Variants in KCNT1 observed in about 807,000 individuals in gnomAD.
KCNT1 encodes potassium sodium-activated channel subfamily T member 1.
KCNT1 carries 78 observed loss-of-function variants against 147.8 expected under a neutral mutation model. That is an observed-to-expected ratio of 0.53 (90% CI 0.44 to 0.64). The LOEUF is 0.64. Among genes scored for constraint, KCNT1 ranks in the 30% least tolerant of loss-of-function variants. The pLI, the probability that KCNT1 is intolerant of heterozygous loss-of-function variation, is 0.00. For synonymous variants in KCNT1, 867 were observed against 748.8 expected (o/e 1.16, Z -2.58); for missense variants, 1,419 against 1,750.3 (o/e 0.81, Z 3.38).
chr9:135,761,084 C>T (rs1831884951), intron 11 of KCNT1, among the ~76,000 whole-genome samples: 1 of 151,926 alleles, frequency 6.6e-6, no homozygotes, highest in Non-Finnish European at 1.5e-5. Context: ...CCCAGGCTGG[C>T]CTCGAACTCC....
At chr9:135,787,764 TC>T (rs2131587954) in intron 29 of KCNT1, among the ~76,000 whole-genome samples, 1 of 152,304 alleles carries the variant, frequency 6.6e-6, no homozygotes, top group East Asian at 1.9e-4. Flanking sequence ...AGTGTCCCTG[TC>T]CCGGGAGGGA....
At chr9:135,736,728 G>A in intron 2 of KCNT1, 1 of 372,604 alleles carries the variant, frequency 2.7e-6, no homozygotes, top group Non-Finnish European at 4.8e-6. Context: ...AGCCTCACGG[G>A]CTCAGCCCGC....
At chr9:135,727,067 T>C (rs1363164898) in intron 2 of KCNT1, among the ~76,000 whole-genome samples, 18 of 14,996 alleles carry the variant, frequency 1.2e-3, no homozygotes, top group East Asian at 2.1e-3. Context: ...CTCCCTCTGT[T>C]TCCCATTCTC....
At chr9:135,708,355 G>A (rs1191458807) in intron 1 of KCNT1, among the ~76,000 whole-genome samples, 3 of 152,212 alleles carry the variant, frequency 2.0e-5, no homozygotes, top group Non-Finnish European at 2.9e-5. Flanking sequence ...GCCTCTGCAT[G>A]CAAATACATG....
intron 24 of KCNT1, among the ~76,000 whole-genome samples, chr9:135,782,448 T>G (rs887289031): frequency 4.6e-5 from 7 of 152,192 alleles, no homozygotes; most frequent in Non-Finnish European, 7.4e-5. Context: ...CCAGGAGCCT[T>G]CCTTCAGGCT....
intron 29 of KCNT1, among the ~76,000 whole-genome samples, chr9:135,787,292 C>T (rs1329961768): frequency 6.6e-6 from 1 of 152,184 alleles, no homozygotes; most frequent in East Asian, 1.9e-4. Flanking sequence ...CCCTACATGC[C>T]CTGCCTGGCG....
intron 2 of KCNT1, among the ~76,000 whole-genome samples, chr9:135,731,935 A>G (rs926001333): frequency 1.4e-5 from 2 of 142,166 alleles, no homozygotes; most frequent in African/African-American, 2.6e-5. Context: ...ATCATCACAT[A>G]TCTAAATACT....
In KCNT1 at chr9:135,765,110, A is replaced by G. The variant is rs2131473824; in HGVS notation, c.1115A>G (p.Lys372Arg). Reference sequence around the variant, plus strand: ...AGCCGCCACCGTGCGCAGACGGAGAAGCACGTGGTCCTGTGTGTCAGCTCC... The same window carrying G: ...AGCCGCCACCGTGCGCAGACGGAGAGGCACGTGGTCCTGTGTGTCAGCTCC... Reference protein sequence around the residue: ...NYSRHRAQTEKHVVLCVSSLK... With the variant: ...NYSRHRAQTERHVVLCVSSLK... Residue 372 changes from lysine (K) to arginine (R), a missense_variant, in exon 12 of 31, where the codon AAG (lysine) becomes AGG (arginine). Coordinates refer to ENST00000371757, the MANE Select transcript of KCNT1 (RefSeq NM_020822.3). 6.2e-7 allele frequency: 1 copy of G among 1,613,544 alleles called. No individual in the cohort carries two copies. The highest frequency in any genetic ancestry group is 8.5e-7 in the Non-Finnish European group (1 of 1,179,934).
chr9:135,728,459 C>A (rs538665122), intron 2 of KCNT1, among the ~76,000 whole-genome samples: 2 of 152,334 alleles, frequency 1.3e-5, no homozygotes, highest in Middle Eastern at 3.4e-3. Context: ...AGCCTCACTG[C>A]GGATGTAACA....
chr9:135,777,279 C>T, intron 20 of KCNT1, 59 bp from the exon 21 acceptor site: 6 of 1,556,198 alleles, frequency 3.9e-6, no homozygotes, highest in Middle Eastern at 1.7e-4. Flanking sequence ...GGGAGGGCTC[C>T]AGTGGCCAGC....
At chr9:135,769,010 T>C in intron 15 of KCNT1, 73 bp downstream of exon 15, 1 of 1,183,950 alleles carries the variant, frequency 8.4e-7, no homozygotes, top group Non-Finnish European at 1.2e-6. Flanking sequence ...TGATGGTGCA[T>C]CTGGGGCAGG....
Position 135,786,621 on chromosome 9 carries a change from G to A in KCNT1, c.3502+100G>A, listed in dbSNP as rs182415552. 1.9e-4 allele frequency: 207 copies of A among 1,114,318 alleles called. 4 individuals carry two copies. Among genetic ancestry groups the A allele is most frequent in the South Asian group, 1.7e-3 (99 of 59,630 alleles). 69.0% of individuals were successfully genotyped at this position (1,114,318 alleles called of 1,614,324 possible). On this transcript the variant is annotated intron_variant, in intron 29 of 30. Transcript: ENST00000371757. Reference sequence around the variant, plus strand: ...GCCACGGCGTCCCGGGGCCCGGGCCGTCCTCCTGTCTGTCATCTGTCTGTC... The same window carrying A: ...GCCACGGCGTCCCGGGGCCCGGGCCATCCTCCTGTCTGTCATCTGTCTGTC...
intron 29 of KCNT1, chr9:135,790,114 A>G (rs1487202125): frequency 6.6e-6 from 1 of 151,694 alleles, no homozygotes; most frequent in African/African-American, 2.4e-5. Flanking sequence ...CCTGGGGGCC[A>G]GTCTGTGCCT....
chr9:135,791,680 G>T, intron 29 of KCNT1, 117 bp from the exon 30 acceptor site: 1 of 850,256 alleles, frequency 1.2e-6, no homozygotes, highest in Non-Finnish European at 1.9e-6. Flanking sequence ...GGAGCAGAAT[G>T]GTCAGGAAGG....
At position 135,772,825 on chromosome 9, in the gene KCNT1, C is replaced by G. The variant is rs568144711; in HGVS notation, c.2119C>G (p.Arg707Gly). Residue 707 changes from arginine to glycine, a missense_variant, in exon 19 of 31, where the codon CGG becomes GGG. Arg to Gly is a moderately radical substitution (Grantham distance 125, BLOSUM62 -2). Coordinates refer to ENST00000371757, the MANE Select transcript of KCNT1 (RefSeq NM_020822.3). ...CACGGAGAACGGCTCGGGCAGCCGGCGGCCCAGCATCGCGCCCGTCCTGGA... is the reference window on the plus strand; with the variant it reads ...CACGGAGAACGGCTCGGGCAGCCGGGGGCCCAGCATCGCGCCCGTCCTGGA... Reference protein sequence around the residue: ...LPTENGSGSRRPSIAPVLELA... With the variant: ...LPTENGSGSRGPSIAPVLELA... The G allele has an allele frequency of 6.6e-7, 1 of 1,524,020 alleles. No individual in the cohort carries two copies. Among genetic ancestry groups the G allele is most frequent in the Non-Finnish European group, 8.8e-7 (1 of 1,134,168 alleles). 94.4% of individuals were successfully genotyped at this position (1,524,020 alleles called of 1,614,324 possible).
At position 135,778,096 on chromosome 9, in the gene KCNT1, C is replaced by G. The variant is rs76525296; in HGVS notation, c.2523-328C>G. On this transcript the variant is annotated intron_variant, in intron 21 of 30. Transcript: ENST00000371757. ...CTGTTTGCCTCCTGCTCCACTCACTCTGAGCCCCAGGATTGGGGTGGAGGG... is the reference window on the plus strand; with the variant it reads ...CTGTTTGCCTCCTGCTCCACTCACTGTGAGCCCCAGGATTGGGGTGGAGGG... Among the ~76,000 whole-genome samples, 1,127 of 152,280 alleles carry G rather than the reference C, an allele frequency of 7.4e-3. 18 individuals carry two copies. Among genetic ancestry groups the G allele is most frequent in the African/African-American group, 0.026 (1,074 of 41,536 alleles).
rs1304196265 is a variant in KCNT1, at chr9:135,792,184, GCCA to G, written c.*27_*29del. The G allele has an allele frequency of 2.5e-6, 4 of 1,598,454 alleles. No homozygotes were observed. The highest frequency in any genetic ancestry group is 3.4e-6 in the Non-Finnish European group (4 of 1,176,286). On this transcript the variant is annotated 3_prime_UTR_variant, in exon 31 of 31. Coordinates refer to ENST00000371757, the MANE Select transcript of KCNT1 (RefSeq NM_020822.3). ...TGAGCCAGCCCTGCACGGAGCTCAG[GCCA>G]CCAAGCCCGGGGTCCTCAGGAAGGA... is the stretch of plus-strand genomic sequence containing the variant.
chr9:135,783,388 G>A (rs1031442078), intron 24 of KCNT1, among the ~76,000 whole-genome samples: 1 of 150,278 alleles, frequency 6.7e-6, no homozygotes, highest in Non-Finnish European at 1.5e-5. Flanking sequence ...AAGAGAAGGA[G>A]GCCCCCAGGC....
At chr9:135,762,939 A>G (rs375968251) in intron 11 of KCNT1, among the ~76,000 whole-genome samples, 14 of 152,360 alleles carry the variant, frequency 9.2e-5, no homozygotes, top group Middle Eastern at 6.8e-3. Context: ...CAGAGGTGTC[A>G]CTGTAGCTCG....
Sources: allele counts gnomAD v4.1 joint callset (sites outside exome capture counted in the v4.1 genomes callset), GRCh38; gene constraint gnomAD v4.1.1; transcripts MANE v1.5; gene names NCBI Gene and HGNC (gene_info 2026-07-23, HGNC 2026-07-21).